Variants in KCNAB2 observed in about 807,000 individuals in gnomAD.
KCNAB2 encodes potassium voltage-gated channel subfamily A regulatory beta subunit 2.
In KCNAB2, 29 loss-of-function variants were observed where a neutral mutation model predicts 63.6. The observed-to-expected ratio is 0.46, with a 90% confidence interval of 0.34 to 0.62. KCNAB2 has a LOEUF of 0.62. Ranked by LOEUF, KCNAB2 falls within the 20% of genes least tolerant of loss-of-function variation. The pLI is 0.01. For synonymous variants in KCNAB2, 222 were observed against 224.2 expected, an observed-to-expected ratio of 0.99 and a Z score of 0.09; for missense variants, 359 against 563.9, an observed-to-expected ratio of 0.64 and a Z score of 3.68.
Position 6,100,020 on chromosome 1 carries a change from T to C in KCNAB2, c.*1446T>C. On this transcript the variant is annotated 3_prime_UTR_variant, in exon 16 of 16. Coordinates refer to ENST00000378083, the MANE Select transcript of KCNAB2 (RefSeq NM_001199862.2). ...CCACCCCCACCCCTCGCCAGCTAGCTCCATAGGGAAGCCTGTGTCTCCTGC... is the reference window on the plus strand; with the variant it reads ...CCACCCCCACCCCTCGCCAGCTAGCCCCATAGGGAAGCCTGTGTCTCCTGC... 1 of 1,530,450 alleles carries C rather than the reference T, an allele frequency of 6.5e-7. No individual in the cohort carries two copies. The highest frequency in any genetic ancestry group is 8.8e-7 in the Non-Finnish European group (1 of 1,136,592). 94.8% of individuals were successfully genotyped at this position (1,530,450 alleles called of 1,614,324 possible).
intron 1 of KCNAB2, among the ~76,000 whole-genome samples, chr1:6,014,696 A>C (rs1285532176): frequency 6.6e-6 from 1 of 152,176 alleles, no homozygotes; most frequent in Non-Finnish European, 1.5e-5. Context: ...AGTCACAGTT[A>C]CCAGCAGGGA....
intron 1 of KCNAB2, among the ~76,000 whole-genome samples, chr1:6,010,045 A>G (rs1205058943): frequency 1.3e-5 from 2 of 151,394 alleles, no homozygotes; most frequent in Non-Finnish European, 2.9e-5. Flanking sequence ...TAATTTTTGT[A>G]TTTTTAGTAG....
intron 1 of KCNAB2, among the ~76,000 whole-genome samples, chr1:6,012,798 TGGTAGA>T (rs1658265811): frequency 6.6e-6 from 1 of 151,104 alleles, no homozygotes; most frequent in East Asian, 2.0e-4. Context: ...GCAGAGATCA[TGGTAGA>T]GGTGGAGGTG....
chr1:6,049,449 AGAGG>A (rs1661205726), intron 1 of KCNAB2, among the ~76,000 whole-genome samples: 1 of 152,220 alleles, frequency 6.6e-6, no homozygotes. Context: ...ACAGCAGGAA[AGAGG>A]CACATGGTGT....
At position 6,100,470 on chromosome 1, in the gene KCNAB2, A is replaced by C; in HGVS notation, c.*1896A>C. ...CCCGGACAGGGTCCTGCAGTGGCCA[A>C]TGGTGCCAGAGGGCAGGTGGCCCAC... On this transcript the variant is annotated 3_prime_UTR_variant, in exon 16 of 16. Coordinates refer to ENST00000378083, the MANE Select transcript of KCNAB2 (RefSeq NM_001199862.2). The C allele has an allele frequency of 6.4e-6, 1 of 156,830 alleles. No individual in the cohort carries two copies. Among genetic ancestry groups the C allele is most frequent in the Non-Finnish European group, 1.4e-5 (1 of 71,216 alleles). 9.7% of individuals were successfully genotyped at this position (156,830 alleles called of 1,614,324 possible).
At position 6,078,882 on chromosome 1, in the gene KCNAB2, G is replaced by A. The variant is rs6685018; in HGVS notation, c.301-3313G>A. On this transcript the variant is annotated intron_variant, in intron 4 of 15. Coordinates refer to ENST00000378083, the MANE Select transcript of KCNAB2 (RefSeq NM_001199862.2). The surrounding 1 kb of genome is among the most constrained non-coding windows in gnomAD (Gnocchi z 4.2). ...ATGCTGATGCTGGCCCATGGACCAC[G>A]CTTTGCCTGGGGAAGGTGCAGGGAG... is the stretch of plus-strand genomic sequence containing the variant. Among the ~76,000 whole-genome samples the A allele has an allele frequency of 3.3e-5, 5 of 152,002 alleles. No individual in the cohort carries two copies. Among genetic ancestry groups the A allele is most frequent in the South Asian group, 4.1e-4 (2 of 4,824 alleles).
chr1:6,065,837 T>A (rs1249288527), intron 2 of KCNAB2, among the ~76,000 whole-genome samples: 1 of 152,098 alleles, frequency 6.6e-6, no homozygotes, highest in African/African-American at 2.4e-5. Context: ...TTCCAGCAGG[T>A]CTTCTGTACC....
chr1:6,015,406 G>C (rs1034285402), intron 1 of KCNAB2, among the ~76,000 whole-genome samples: 2 of 152,112 alleles, frequency 1.3e-5, no homozygotes, highest in African/African-American at 4.8e-5. Flanking sequence ...GTTTGTTTTT[G>C]TAAATAAGGT....
In KCNAB2 at chr1:6,090,482, G is replaced by C; in HGVS notation, c.601+7G>C. 1 of 1,610,416 alleles carries C rather than the reference G, an allele frequency of 6.2e-7. No homozygotes were observed. Among genetic ancestry groups the C allele is most frequent in the Non-Finnish European group, 8.5e-7 (1 of 1,177,436 alleles). ...CCCAACACCCCGATGGAAGGTAGGTGGTCTGCGGCGGCGCCACCGGTTAGG... is the reference window on the plus strand; with the variant it reads ...CCCAACACCCCGATGGAAGGTAGGTCGTCTGCGGCGGCGCCACCGGTTAGG... On this transcript the variant is annotated splice_region_variant and intron_variant, in intron 9 of 15. Transcript: ENST00000378083.
rs561928320 is a variant in KCNAB2, at chr1:6,074,417, T to C, written c.300+647T>C. ...GGGACGGCACACGCCCAGACATGTG[T>C]GCTTCTGGACAGTGAGGCAGCATCT... On this transcript the variant is annotated intron_variant, in intron 4 of 15. Coordinates refer to ENST00000378083, the MANE Select transcript of KCNAB2 (RefSeq NM_001199862.2). The surrounding 1 kb of genome is among the most constrained non-coding windows in gnomAD (Gnocchi z 4.9). 1.3e-5 allele frequency among the ~76,000 whole-genome samples: 2 copies of C among 152,342 alleles called. No individual in the cohort carries two copies. The highest frequency in any genetic ancestry group is 4.1e-4 in the South Asian group (2 of 4,832).
At position 5,994,567 on chromosome 1, in the gene KCNAB2, G is replaced by A. The variant is rs1570801967; in HGVS notation, c.-53+1779G>A. On this transcript the variant is annotated intron_variant, in intron 1 of 16. Transcript: ENST00000341524. The surrounding 1 kb of genome is among the most constrained non-coding windows in gnomAD (Gnocchi z 5.4). ...TGCGCCAGTCAGCAAATGCTTTGTAGGTGCTAGTCAACACCTGGGGGCTGA... is the reference window on the plus strand; with the variant it reads ...TGCGCCAGTCAGCAAATGCTTTGTAAGTGCTAGTCAACACCTGGGGGCTGA... Among the ~76,000 whole-genome samples the A allele has an allele frequency of 1.3e-5, 2 of 152,296 alleles. No individual in the cohort carries two copies. Among genetic ancestry groups the A allele is most frequent in the South Asian group, 4.1e-4 (2 of 4,826 alleles).
In KCNAB2 at chr1:6,099,931, C is replaced by T. The variant is rs1171600984; in HGVS notation, c.*1357C>T. 1 of 1,550,396 alleles carries T rather than the reference C, an allele frequency of 6.4e-7. No homozygotes were observed. Among genetic ancestry groups the T allele is most frequent in the Non-Finnish European group, 8.7e-7 (1 of 1,146,916 alleles). Reference sequence around the variant, plus strand: ...CAGGTGCGGGGTGCCACCTACAGGCCCAGGCCTGTGTCCCAAGCAGTACCC... The same window carrying T: ...CAGGTGCGGGGTGCCACCTACAGGCTCAGGCCTGTGTCCCAAGCAGTACCC... On this transcript the variant is annotated 3_prime_UTR_variant, in exon 16 of 16. Transcript: ENST00000378083.
At position 6,035,703 on chromosome 1, in the gene KCNAB2, C is replaced by G. The variant is rs1659981217; in HGVS notation, c.-53+909C>G. 6.6e-6 allele frequency among the ~76,000 whole-genome samples: 1 copy of G among 151,674 alleles called. No homozygotes were observed. The highest frequency in any genetic ancestry group is 1.9e-4 in the East Asian group (1 of 5,148). On this transcript the variant is annotated intron_variant, in intron 1 of 15. Transcript: ENST00000164247. This position sits in a 1 kb window ranked among gnomAD's most constrained non-coding sequence, Gnocchi z 5.0. ...GAATCCGAGGCACACGTTCCCCACC[C>G]TCATAGCTGAGCCACACAGGCAGGA...
chr1:6,048,132 G>T (rs958112565), intron 1 of KCNAB2, among the ~76,000 whole-genome samples: 1 of 152,200 alleles, frequency 6.6e-6, no homozygotes, highest in Admixed American at 6.5e-5. Context: ...TTGTGAAGGG[G>T]GCGATTATTC....
chr1:6,088,781 C>A (rs1266764389), intron 7 of KCNAB2, among the ~76,000 whole-genome samples: 1 of 151,594 alleles, frequency 6.6e-6, no homozygotes, highest in African/African-American at 2.4e-5. Flanking sequence ...CCCCCCACCC[C>A]CTGCTGCTGC....
rs1488675908 is a variant in KCNAB2, at chr1:6,078,664, G to A, written c.301-3531G>A. 1.3e-5 allele frequency among the ~76,000 whole-genome samples: 2 copies of A among 152,178 alleles called. No homozygotes were observed. The highest frequency in any genetic ancestry group is 2.4e-5 in the African/African-American group (1 of 41,456). On this transcript the variant is annotated intron_variant, in intron 4 of 15. Transcript: ENST00000378083. The surrounding 1 kb of genome is among the most constrained non-coding windows in gnomAD (Gnocchi z 4.2). ...GACCCTCTGCGAGATGGAAGCCCCT[G>A]GAGGGCTTTTGCATGGAGGAAATTT...
At chr1:5,998,061 G>C (rs1176000758) in intron 1 of KCNAB2, among the ~76,000 whole-genome samples, 4 of 152,240 alleles carry the variant, frequency 2.6e-5, no homozygotes, top group Admixed American at 2.0e-4. Context: ...GACCTTGAAA[G>C]ACAGGCAGGT....
intron 1 of KCNAB2, among the ~76,000 whole-genome samples, chr1:6,019,853 G>T (rs1047047921): frequency 1.3e-5 from 2 of 152,224 alleles, no homozygotes; most frequent in African/African-American, 4.8e-5. Context: ...TATGGCAGGT[G>T]TCCTCAGATG....
Position 6,051,587 on chromosome 1 carries a change from C to T in KCNAB2, c.51C>T (p.Cys17=), listed in dbSNP as rs1219284406. 1.3e-6 allele frequency: 2 copies of T among 1,534,584 alleles called. No homozygotes were observed. Among genetic ancestry groups the T allele is most frequent in the Non-Finnish European group, 1.7e-6 (2 of 1,146,268 alleles). The part of the protein sequence containing the change: ...SESLRSVSSR[C]HSEWALHPVR... ...GTCTGCGGAGCGTGAGCAGCAGGTGCCACTCTGAATGGGCCCTGCACCCCG... is the reference window on the plus strand; with the variant it reads ...GTCTGCGGAGCGTGAGCAGCAGGTGTCACTCTGAATGGGCCCTGCACCCCG... The change falls in exon 2 of 16, where the codon TGC becomes TGT. Residue 17 remains cysteine, a synonymous_variant. Coordinates refer to ENST00000378083, the MANE Select transcript of KCNAB2 (RefSeq NM_001199862.2).
Sources: allele counts gnomAD v4.1 joint callset (sites outside exome capture counted in the v4.1 genomes callset), GRCh38; gene constraint gnomAD v4.1.1; non-coding constraint Gnocchi (gnomAD v3.1); transcripts MANE v1.5; gene names NCBI Gene and HGNC (gene_info 2026-07-23, HGNC 2026-07-21).